ZNF407: variants seen among roughly 807,000 people sequenced by gnomAD.
ZNF407 encodes the protein zinc finger protein 407.
ZNF407 carries 17 observed loss-of-function variants against 131.2 expected under a neutral mutation model. The observed-to-expected ratio is 0.13, with a 90% CI of 0.09 to 0.19. ZNF407 has a LOEUF of 0.19. Among genes scored for constraint, ZNF407 ranks in the 10% least tolerant of loss-of-function variants. The pLI is 1.00. For missense variants in ZNF407, 2,681 were observed against 2,830.6 expected (o/e 0.95, Z 1.20); for synonymous variants, 1,156 against 1,062.0 (o/e 1.09, Z -1.72).
intron 4 of ZNF407, among the ~76,000 whole-genome samples, chr18:74,819,000 C>T (rs1970305075): frequency 6.6e-6 from 1 of 152,040 alleles, no homozygotes; most frequent in Non-Finnish European, 1.5e-5. Flanking sequence ...CAGCTGGAAA[C>T]ATGGCTTGTT....
At chr18:74,784,041 A>G (rs182539062) in intron 4 of ZNF407, among the ~76,000 whole-genome samples, 225 of 152,134 alleles carry the variant, frequency 1.5e-3, no homozygotes, top group Admixed American at 4.6e-3. Flanking sequence ...CCTTGTTTCC[A>G]TTTCACCTTC....
At chr18:74,730,957 C>T (rs1463940540) in intron 3 of ZNF407, among the ~76,000 whole-genome samples, 2 of 152,154 alleles carry the variant, frequency 1.3e-5, no homozygotes, top group African/African-American at 2.4e-5. Context: ...ATAACTTGTA[C>T]ATTAATATCT....
At chr18:74,733,188 A>G (rs1319711901) in intron 3 of ZNF407, among the ~76,000 whole-genome samples, 1 of 152,154 alleles carries the variant, frequency 6.6e-6, no homozygotes, top group Non-Finnish European at 1.5e-5. Flanking sequence ...CTGCATTAAA[A>G]GGTGCTTTAT....
chr18:74,832,451 TTTTTTTCTTTTTG>T (rs1970498709), intron 4 of ZNF407, among the ~76,000 whole-genome samples: 1 of 152,074 alleles, frequency 6.6e-6, no homozygotes, highest in East Asian at 1.9e-4. Context: ...AAGTTGGTTT[TTTTTTTCTTTTTG>T]TTTTTTTTGA....
In ZNF407 at chr18:75,063,706, G is replaced by T; in HGVS notation, c.5985G>T (p.Ala1995=). The T allele has an allele frequency of 6.2e-7, 1 of 1,612,160 alleles. No individual in the cohort carries two copies. The highest frequency in any genetic ancestry group is 1.7e-5 in the Admixed American group (1 of 59,924). ...CAGCCCTGGATGCATTGCTCTGTGC[G>T]GTCACTGAATTAGGGGAGGTGGAGG... is the stretch of plus-strand genomic sequence containing the variant. The part of the protein sequence containing the change: ...ASSALDALLC[A]VTELGEVEGR... The change falls in exon 9 of 9, where the codon GCG becomes GCT. Residue 1995 remains alanine, a synonymous_variant. Transcript: ENST00000299687. The surrounding 1 kb of genome is among the most constrained non-coding windows in gnomAD (Gnocchi z 6.6).
At chr18:74,667,917 C>T (rs1208776490) in intron 3 of ZNF407, among the ~76,000 whole-genome samples, 2 of 151,706 alleles carry the variant, frequency 1.3e-5, no homozygotes, top group East Asian at 3.9e-4. Flanking sequence ...TTTTTTTTTA[C>T]CTTGAATGTG....
intron 3 of ZNF407, among the ~76,000 whole-genome samples, chr18:74,759,020 A>G (rs914179786): frequency 6.6e-6 from 1 of 152,178 alleles, no homozygotes; most frequent in African/African-American, 2.4e-5. Flanking sequence ...CTTGTACAGC[A>G]GGTCTGGCTG....
At chr18:75,027,270 G>C (rs2122214763) in intron 8 of ZNF407, among the ~76,000 whole-genome samples, 1 of 152,354 alleles carries the variant, frequency 6.6e-6, no homozygotes, top group Non-Finnish European at 1.5e-5. Context: ...AGGCAAGGAA[G>C]AGGGTGGTGC....
intron 4 of ZNF407, among the ~76,000 whole-genome samples, chr18:74,786,540 A>T (rs543228755): frequency 1.7e-3 from 259 of 151,790 alleles, no homozygotes; most frequent in African/African-American, 6.0e-3. Flanking sequence ...TCTCCACCTT[A>T]GAACATATTT....
intron 4 of ZNF407, among the ~76,000 whole-genome samples, chr18:74,813,732 T>G (rs1970230843): frequency 6.6e-6 from 1 of 152,168 alleles, no homozygotes; most frequent in Non-Finnish European, 1.5e-5. Flanking sequence ...CTCCTCTAAT[T>G]CGTCTTGTTC....
intron 8 of ZNF407, among the ~76,000 whole-genome samples, chr18:75,040,700 C>G (rs1300935785): frequency 6.6e-6 from 1 of 152,188 alleles, no homozygotes; most frequent in Non-Finnish European, 1.5e-5. Flanking sequence ...CTGCGTAACT[C>G]TTTTCCTAAA....
intron 1 of ZNF407, among the ~76,000 whole-genome samples, chr18:74,609,052 A>G (rs1982938085): frequency 6.6e-6 from 1 of 152,126 alleles, no homozygotes; most frequent in Non-Finnish European, 1.5e-5. Context: ...GGTATTTCAT[A>G]TCTTGAGAAG....
chr18:74,935,758 A>G (rs140606666), intron 8 of ZNF407, among the ~76,000 whole-genome samples: 173 of 152,320 alleles, frequency 1.1e-3, no homozygotes, highest in African/African-American at 4.0e-3. Flanking sequence ...TGTAGGCAAT[A>G]ATGTGTACCA....
chr18:74,915,148 G>T (rs1327319722), intron 7 of ZNF407, among the ~76,000 whole-genome samples: 1 of 152,184 alleles, frequency 6.6e-6, no homozygotes, highest in Non-Finnish European at 1.5e-5. Flanking sequence ...GGTCCCAGGT[G>T]GCAGAAGAGG....
chr18:74,807,871 T>C (rs1970135682), intron 4 of ZNF407, among the ~76,000 whole-genome samples: 1 of 152,206 alleles, frequency 6.6e-6, no homozygotes, highest in Non-Finnish European at 1.5e-5. Context: ...GATGTAAGGT[T>C]TTTTTAATTG....
intron 8 of ZNF407, among the ~76,000 whole-genome samples, chr18:74,944,737 A>T (rs1474031496): frequency 6.6e-6 from 1 of 152,242 alleles, no homozygotes; most frequent in Non-Finnish European, 1.5e-5. Flanking sequence ...TATGAACAAT[A>T]AAGAGCTTGC....
At chr18:74,726,135 C>CT (rs946420635) in intron 3 of ZNF407, among the ~76,000 whole-genome samples, 4 of 152,040 alleles carry the variant, frequency 2.6e-5, no homozygotes, top group South Asian at 4.2e-4. Context: ...GTTGCAATCT[C>CT]TTTTTTTTCC....
chr18:75,043,273 C>T (rs1227055891), intron 8 of ZNF407, among the ~76,000 whole-genome samples: 1 of 152,102 alleles, frequency 6.6e-6, no homozygotes, highest in Non-Finnish European at 1.5e-5. Context: ...ACTGATGATA[C>T]CAAGCATCTT....
At chr18:74,893,544 C>T (rs144886570) in intron 7 of ZNF407, among the ~76,000 whole-genome samples, 1 of 152,208 alleles carries the variant, frequency 6.6e-6, no homozygotes, top group African/African-American at 2.4e-5. Flanking sequence ...GAACAGATAT[C>T]TTTACTTTCT....
Sources: gnomAD v4.1 joint callset for allele counts (sites outside exome capture counted in the v4.1 genomes callset) on GRCh38, gnomAD v4.1.1 for gene constraint, Gnocchi (gnomAD v3.1) non-coding constraint, MANE v1.5 for transcripts, NCBI Gene and HGNC (gene_info 2026-07-23, HGNC 2026-07-21) for gene names.